The following FRMPD3 variants were observed in gnomAD, a reference collection of about 807,000 sequenced individuals.
FRMPD3 encodes the protein FERM and PDZ domain-containing protein 3.
FRMPD3 carries 42 observed loss-of-function variants against 97.9 expected under a neutral mutation model. That is an observed-to-expected ratio of 0.43 (90% confidence interval 0.34 to 0.55). The LOEUF (loss-of-function observed/expected upper bound fraction) is 0.55, where lower values mean the gene tolerates loss of function less well. Among genes scored for constraint, FRMPD3 ranks in the 20% least tolerant of loss-of-function variants. FRMPD3 has a pLI of 0.03. For missense variants in FRMPD3, 1,303 were observed against 1,457.7 expected, an observed-to-expected ratio of 0.89 and a Z score of 1.73; for synonymous variants, 577 against 581.1, an observed-to-expected ratio of 0.99 and a Z score of 0.10.
At chrX:107,561,577 C>T (rs968173116) in intron 10 of FRMPD3, among the ~76,000 whole-genome samples, 2 of 111,151 alleles carry the variant, frequency 1.8e-5, no homozygotes, top group Non-Finnish European at 3.8e-5. Flanking sequence ...TCCCAAGCCC[C>T]GCAGCAGCTT....
In FRMPD3 at chrX:107,495,042, T is replaced by C. The variant is rs138674363; in HGVS notation, c.-7-31540T>C. On this transcript the variant is annotated intron_variant, in intron 1 of 14. Transcript: ENST00000683843. ...CCTCATAGCCCACTTGGAAATCTAA[T>C]GACACAGCCTACTGCTGAATCGCTA... is the stretch of plus-strand genomic sequence containing the variant. Among the ~76,000 whole-genome samples the C allele has an allele frequency of 2.0e-3, 228 of 112,922 alleles. 1 individual carries two copies. The highest frequency in any genetic ancestry group is 7.0e-3 in the African/African-American group (218 of 31,112).
chrX:107,481,027 C>G (rs780427705), intron 1 of FRMPD3, among the ~76,000 whole-genome samples: 3 of 111,390 alleles, frequency 2.7e-5, no homozygotes, highest in Non-Finnish European at 5.7e-5. Context: ...GCTTTACTCT[C>G]GAAATCTCAT....
chrX:107,595,252 G>A lies in FRMPD3; in HGVS notation c.1442-2069G>A, dbSNP rs773386317. Among the ~76,000 whole-genome samples, 6 of 110,233 alleles carry A rather than the reference G, an allele frequency of 5.4e-5. No individual in the cohort carries two copies. In the Middle Eastern group the frequency reaches 0.019, roughly 340 times the overall value. On this transcript the variant is annotated intron_variant, in intron 13 of 14. Transcript: ENST00000683843. ...GGATCACTTCAGCCCAGGAGGTGAA[G>A]GTTGCAGTGAGCCAAGATTGCACCA...
intron 13 of FRMPD3, among the ~76,000 whole-genome samples, chrX:107,589,087 T>C (rs1044599981): frequency 9.0e-5 from 10 of 111,311 alleles, no homozygotes; most frequent in African/African-American, 3.3e-4. Flanking sequence ...CAATTCGTTC[T>C]TATCATCCTC....
chrX:107,466,819 C>T, intron 1 of FRMPD3, among the ~76,000 whole-genome samples: 1 of 111,624 alleles, frequency 9.0e-6, no homozygotes, highest in Non-Finnish European at 1.9e-5. Flanking sequence ...AAGAAAACTC[C>T]CACCTTTAGC....
At chrX:107,501,612 T>C (rs111827448) in intron 1 of FRMPD3, among the ~76,000 whole-genome samples, 2,315 of 101,075 alleles carry the variant, frequency 0.023, 55 homozygotes, top group African/African-American at 0.079. Context: ...GGACAGCTTG[T>C]AAAAAATACT....
At chrX:107,539,237 C>T (rs1175663594) in intron 4 of FRMPD3, among the ~76,000 whole-genome samples, 2 of 111,519 alleles carry the variant, frequency 1.8e-5, no homozygotes, top group African/African-American at 6.5e-5. Flanking sequence ...GCATGGCAGA[C>T]AATTGGGGAG....
At chrX:107,522,299 C>A (rs1328974314) in intron 1 of FRMPD3, 7 of 485,764 alleles carry the variant, frequency 1.4e-5, no homozygotes. Context: ...GCTTAACCTT[C>A]CTAAGTGCTT....
At chrX:107,525,215 G>A (rs1258270404) in intron 1 of FRMPD3, among the ~76,000 whole-genome samples, 4 of 111,566 alleles carry the variant, frequency 3.6e-5, no homozygotes, top group African/African-American at 1.3e-4. Flanking sequence ...TTCTGGGGCT[G>A]TAGTGGTGCC....
chrX:107,589,582 T>G (rs1418084360), intron 13 of FRMPD3, among the ~76,000 whole-genome samples: 1 of 111,323 alleles, frequency 9.0e-6, no homozygotes, highest in Non-Finnish European at 1.9e-5. Flanking sequence ...ATATGTTGGT[T>G]GCCGTTAAAG....
rs1223090816 is a variant in FRMPD3, at chrX:107,602,859, AGT to A, written c.4826_4827del (p.Val1609GlyfsTer19). ...AACGAGCTGCTGACAGTCCTGCGGC[AGT>A]GTGTGGCCAGCCCCGAGGCCCGTGC... On this transcript the variant is annotated frameshift_variant, in exon 15 of 15. Coordinates refer to ENST00000683843, the MANE Select transcript of FRMPD3 (RefSeq NM_001388459.1). LOFTEE classifies it high-confidence loss of function. The A allele has an allele frequency of 8.3e-7, 1 of 1,210,310 alleles. No individual in the cohort carries two copies. Among genetic ancestry groups the A allele is most frequent in the Non-Finnish European group, 1.1e-6 (1 of 895,093 alleles).
At chrX:107,495,468 A>G (rs1054986545) in intron 1 of FRMPD3, among the ~76,000 whole-genome samples, 9 of 112,119 alleles carry the variant, frequency 8.0e-5, no homozygotes, top group Non-Finnish European at 1.7e-4. Context: ...TTTAAAATCT[A>G]TTTTGTTCAC....
rs58427780 is a variant in FRMPD3, at chrX:107,543,817, GA to G, written c.298-1902del. Among the ~76,000 whole-genome samples, 359 of 66,445 alleles carry G rather than the reference GA, an allele frequency of 5.4e-3. 1 individual carries two copies. The highest frequency in any genetic ancestry group is 8.9e-3 in the African/African-American group (160 of 17,987). The allele number at this position is 66,445 out of a possible 115,157, so 57.7% of individuals were successfully genotyped here. A position where few individuals can be genotyped will look rare whatever the true frequency, so the allele number is the denominator to read the frequency against. On this transcript the variant is annotated intron_variant, in intron 4 of 14. Coordinates refer to ENST00000683843, the MANE Select transcript of FRMPD3 (RefSeq NM_001388459.1). ...GGCGACAGAGCAAGACTCCTTCTCA[GA>G]AAAAAAAAAAAAAAAAATTAAAAAT...
At chrX:107,522,989 G>A (rs1922564647) in intron 1 of FRMPD3, among the ~76,000 whole-genome samples, 3 of 111,394 alleles carry the variant, frequency 2.7e-5, no homozygotes, top group Non-Finnish European at 3.8e-5. Context: ...TATTTGAAGG[G>A]ACCAGAAGCC....
chrX:107,522,469 A>G, intron 1 of FRMPD3: 1 of 556,197 alleles, frequency 1.8e-6, no homozygotes, highest in South Asian at 2.3e-5. Flanking sequence ...CTGGATAGCC[A>G]GAGGGTCCAG....
At chrX:107,452,814 G>A (rs1931312064) in intron 1 of FRMPD3, among the ~76,000 whole-genome samples, 2 of 108,287 alleles carry the variant, frequency 1.8e-5, no homozygotes, top group Non-Finnish European at 3.8e-5. Flanking sequence ...TGTGACCAAC[G>A]ACATCCTCTA....
In FRMPD3 at chrX:107,560,254, C is replaced by T; in HGVS notation, c.763-3C>T. On this transcript the variant is annotated splice_region_variant and splice_polypyrimidine_tract_variant and intron_variant, in intron 8 of 14. Coordinates refer to ENST00000683843, the MANE Select transcript of FRMPD3 (RefSeq NM_001388459.1). ...GATAGGTTTGGACTGCCCTCTCTCACAGAGTCGGAATGATGTTATTCGAGA... is the reference window on the plus strand; with the variant it reads ...GATAGGTTTGGACTGCCCTCTCTCATAGAGTCGGAATGATGTTATTCGAGA... The T allele has an allele frequency of 8.3e-7, 1 of 1,207,868 alleles. No individual in the cohort carries two copies. The highest frequency in any genetic ancestry group is 1.1e-6 in the Non-Finnish European group (1 of 894,585).
At chrX:107,580,976 A>C (rs1014485443) in intron 13 of FRMPD3, among the ~76,000 whole-genome samples, 2 of 111,672 alleles carry the variant, frequency 1.8e-5, no homozygotes, top group Non-Finnish European at 3.8e-5. Context: ...AAATGCCAGA[A>C]ACTTAGTCTC....
intron 1 of FRMPD3, among the ~76,000 whole-genome samples, chrX:107,521,597 G>A (rs936895427): frequency 2.7e-5 from 3 of 112,761 alleles, no homozygotes; most frequent in African/African-American, 9.7e-5. Flanking sequence ...CTACTTCACA[G>A]CGCTGGGGAT....
Sources: gnomAD v4.1 joint callset for allele counts (sites outside exome capture counted in the v4.1 genomes callset) on GRCh38, gnomAD v4.1.1 for gene constraint, MANE v1.5 for transcripts, NCBI Gene and HGNC (gene_info 2026-07-23, HGNC 2026-07-21) for gene names.